The following FRMD4A variants were observed in gnomAD, a reference collection of about 807,000 sequenced individuals.
The protein encoded by FRMD4A is FERM domain containing 4A, also known as FERM domain-containing protein 4A.
FRMD4A carries 29 observed loss-of-function variants against 129.1 expected under a neutral mutation model. The ratio of observed to expected loss-of-function variants is 0.22; its 90% CI spans 0.17 to 0.31. The LOEUF is 0.31. Ranked by LOEUF, FRMD4A falls within the 10% of genes least tolerant of loss-of-function variation. The probability of loss-of-function intolerance (pLI) is 1.00; values close to 1 mark genes in which losing one functional copy is unlikely to be tolerated. For missense variants in FRMD4A, 1,272 were observed against 1,375.8 expected, an observed-to-expected ratio of 0.92 and a Z score of 1.19; for synonymous variants, 634 against 571.6, an observed-to-expected ratio of 1.11 and a Z score of -1.56.
intron 2 of FRMD4A, among the ~76,000 whole-genome samples, chr10:14,004,415 G>A (rs1316438146): frequency 6.6e-6 from 1 of 152,140 alleles, no homozygotes; most frequent in African/African-American, 2.4e-5. Context: ...GGTGGCGCAC[G>A]CCTGTAATAC....
chr10:14,177,237 GC>G (rs34472842), intron 2 of FRMD4A, among the ~76,000 whole-genome samples: 292 of 151,672 alleles, frequency 1.9e-3, no homozygotes, highest in Middle Eastern at 6.8e-3. Flanking sequence ...TCGCTCTGTT[GC>G]CCGGGCTGGA....
At chr10:13,767,347 T>G (rs575240341) in intron 6 of FRMD4A, among the ~76,000 whole-genome samples, 1 of 152,180 alleles carries the variant, frequency 6.6e-6, no homozygotes, top group Non-Finnish European at 1.5e-5. Flanking sequence ...CCAGCAATTC[T>G]TGTGCCACAA....
intron 2 of FRMD4A, among the ~76,000 whole-genome samples, chr10:14,160,818 C>A (rs942800824): frequency 3.9e-5 from 6 of 152,152 alleles, no homozygotes; most frequent in Non-Finnish European, 7.3e-5. Context: ...AAGAAGCTAT[C>A]ATTTTACCCC....
rs189212635 is a variant in FRMD4A, at chr10:13,752,780, C to A, written c.465-4961G>T. ...GTTGCAGGTCCTTCATCCATTATCA[C>A]AATTCCAAAATTCAAAAAGCTAGAG... On this transcript the variant is annotated intron_variant, in intron 8 of 24. Transcript: ENST00000357447. 7.2e-5 allele frequency among the ~76,000 whole-genome samples: 11 copies of A among 152,304 alleles called. No individual in the cohort carries two copies. In the East Asian group the frequency reaches 1.3e-3, roughly 19 times the overall value.
Position 13,657,003 on chromosome 10 carries a change from G to T in FRMD4A, c.2586C>A (p.Ser862Arg). Residue 862 changes from serine (S) to arginine (R), a missense_variant, in exon 22 of 25, where the codon AGC (serine) becomes AGA (arginine). Around this residue, in one of 2 missense-constraint regions of FRMD4A, gnomAD observed 972 missense variants for 892.3 expected, o/e 1.09. Transcript: ENST00000357447. ...TGGACGTCTTGAACTGAGCCTTGAC[G>T]CTGTAGTGGCCCTCCTGGTCGCTCT... is the stretch of plus-strand genomic sequence containing the variant. Reference protein sequence around the residue: ...SLESDQEGHYSVKAQFKTSNS... With the variant: ...SLESDQEGHYRVKAQFKTSNS... 6.4e-7 allele frequency: 1 copy of T among 1,566,694 alleles called. No individual in the cohort carries two copies. Among genetic ancestry groups the T allele is most frequent in the Non-Finnish European group, 8.6e-7 (1 of 1,163,456 alleles).
intron 2 of FRMD4A, among the ~76,000 whole-genome samples, chr10:14,309,005 T>A (rs1846446130): frequency 6.6e-6 from 1 of 152,252 alleles, no homozygotes; most frequent in African/African-American, 2.4e-5. Flanking sequence ...CTTAGACACC[T>A]GCCTTTCCTT....
intron 2 of FRMD4A, among the ~76,000 whole-genome samples, chr10:13,902,089 T>G (rs189148349): frequency 2.6e-4 from 39 of 152,286 alleles, no homozygotes; most frequent in Middle Eastern, 3.4e-3. Flanking sequence ...TGATCATAGC[T>G]CACTGTAACC....
intron 15 of FRMD4A, chr10:13,684,110 C>T (rs2084864185): frequency 6.5e-6 from 1 of 154,314 alleles, no homozygotes; most frequent in African/African-American, 2.4e-5. Flanking sequence ...AAAAATCTTT[C>T]CTCCCAGTTA....
At chr10:13,819,005 G>A (rs1353515506) in intron 3 of FRMD4A, among the ~76,000 whole-genome samples, 3 of 152,122 alleles carry the variant, frequency 2.0e-5, no homozygotes, top group Non-Finnish European at 4.4e-5. Context: ...GCTCATGCCT[G>A]TAATCCCAGC....
intron 2 of FRMD4A, among the ~76,000 whole-genome samples, chr10:14,325,684 T>C (rs17155049): frequency 0.016 from 2,495 of 152,366 alleles, 68 homozygotes; most frequent in African/African-American, 0.057. Context: ...ACTGTAAGTA[T>C]GCTAAAGCCA....
chr10:14,017,880 T>A (rs944204562), intron 2 of FRMD4A, among the ~76,000 whole-genome samples: 1 of 152,106 alleles, frequency 6.6e-6, no homozygotes, highest in South Asian at 2.1e-4. Flanking sequence ...GGGAATATGG[T>A]TTATGTTGAA....
chr10:14,301,024 G>A (rs954251605), intron 2 of FRMD4A, among the ~76,000 whole-genome samples: 2 of 152,180 alleles, frequency 1.3e-5, no homozygotes, highest in African/African-American at 4.8e-5. Flanking sequence ...GAGAATAAAG[G>A]TCAGTCAGGT....
At chr10:14,154,890 T>C (rs1273370064) in intron 2 of FRMD4A, among the ~76,000 whole-genome samples, 2 of 152,258 alleles carry the variant, frequency 1.3e-5, no homozygotes, top group Admixed American at 6.5e-5. Context: ...CTAGTCTTTC[T>C]TTGTTGGTCT....
At chr10:14,064,622 G>A (rs955291204) in intron 2 of FRMD4A, among the ~76,000 whole-genome samples, 4 of 152,132 alleles carry the variant, frequency 2.6e-5, no homozygotes, top group African/African-American at 9.7e-5. Flanking sequence ...CCATCGTCTA[G>A]GCTGGAGTAC....
intron 2 of FRMD4A, among the ~76,000 whole-genome samples, chr10:14,221,678 G>A (rs891514626): frequency 6.6e-6 from 1 of 151,818 alleles, no homozygotes; most frequent in Non-Finnish European, 1.5e-5. Flanking sequence ...TCCCGCCTCT[G>A]CCTCCCAAGT....
At chr10:13,765,768 C>A (rs2092266606) in intron 6 of FRMD4A, among the ~76,000 whole-genome samples, 1 of 152,156 alleles carries the variant, frequency 6.6e-6, no homozygotes, top group Non-Finnish European at 1.5e-5. Context: ...GAATGTAAAT[C>A]ATTTAACAGT....
At chr10:13,888,214 C>T (rs1467821146) in intron 2 of FRMD4A, among the ~76,000 whole-genome samples, 1 of 152,206 alleles carries the variant, frequency 6.6e-6, no homozygotes, top group African/African-American at 2.4e-5. Context: ...ACGCCCTTCC[C>T]CACAAGATCA....
chr10:14,320,438 G>C (rs965144888), intron 2 of FRMD4A, among the ~76,000 whole-genome samples: 5 of 151,636 alleles, frequency 3.3e-5, no homozygotes, highest in African/African-American at 1.2e-4. Flanking sequence ...TGATGATTTT[G>C]TTCCCTCCAC....
At chr10:14,084,114 T>C (rs898717) in intron 2 of FRMD4A, among the ~76,000 whole-genome samples, 59,349 of 152,036 alleles carry the variant, frequency 0.39, 11,917 homozygotes, top group East Asian at 0.59. Flanking sequence ...TGTGGCATCA[T>C]GGGGGAAAGT....
Sources: allele counts gnomAD v4.1 joint callset (sites outside exome capture counted in the v4.1 genomes callset), GRCh38; gene constraint gnomAD v4.1.1; regional missense constraint gnomAD v4.1.1; transcripts MANE v1.5; gene names NCBI Gene and HGNC (gene_info 2026-07-23, HGNC 2026-07-21).